Variants in IFI16 observed in about 807,000 individuals in gnomAD.
IFI16 encodes interferon gamma inducible protein 16.
In IFI16, 49 loss-of-function variants were observed where a neutral mutation model predicts 68.4. That is an observed-to-expected ratio of 0.72 (90% confidence interval 0.57 to 0.91). IFI16 has a LOEUF of 0.91. Ranked by LOEUF, IFI16 falls within the 40% of genes least tolerant of loss-of-function variation. The pLI, the probability that IFI16 is intolerant of heterozygous loss-of-function variation, is 0.00. For missense variants in IFI16, 878 were observed against 942.9 expected (o/e 0.93, Z 0.90); for synonymous variants, 307 against 315.0 (o/e 0.97, Z 0.27).
intron 6 of IFI16, among the ~76,000 whole-genome samples, chr1:159,032,022 A>G (rs1450154733): frequency 6.6e-6 from 1 of 152,234 alleles, no homozygotes; most frequent in Non-Finnish European, 1.5e-5. Context: ...GATAATGGAA[A>G]AATATTTCTT....
intron 7 of IFI16, among the ~76,000 whole-genome samples, chr1:159,038,426 G>A (rs564356122): frequency 1.1e-4 from 16 of 152,166 alleles, no homozygotes; most frequent in South Asian, 6.2e-4. Context: ...GTGCAGTGGC[G>A]CAATCAAAGC....
chr1:159,021,761 T>C (rs2101834825), intron 6 of IFI16, among the ~76,000 whole-genome samples: 1 of 152,202 alleles, frequency 6.6e-6, no homozygotes, highest in Non-Finnish European at 1.5e-5. Flanking sequence ...GATGCCAGCG[T>C]CTGTTTTTTA....
At chr1:159,015,848 G>A in intron 2 of IFI16, 24 bp from the exon 3 acceptor site, 2 of 1,528,166 alleles carry the variant, frequency 1.3e-6, no homozygotes, top group Non-Finnish European at 1.8e-6. Context: ...GCATTGGTTG[G>A]GAATAAAATT....
upstream of IFI16, among the ~76,000 whole-genome samples, chr1:159,002,106 T>A (rs1042313198): frequency 2.0e-5 from 3 of 152,228 alleles, no homozygotes; most frequent in African/African-American, 7.2e-5. Context: ...CAGTATGGTA[T>A]GCCTGATACA....
At chr1:159,020,290 G>A (rs1653222342) in intron 5 of IFI16, 51 bp from the exon 6 acceptor site, 2 of 1,363,456 alleles carry the variant, frequency 1.5e-6, no homozygotes, top group Admixed American at 1.9e-5. Flanking sequence ...GCCTATATGT[G>A]GTTGTTATTA....
intron 7 of IFI16, among the ~76,000 whole-genome samples, chr1:159,034,873 A>AG (rs1654227295): frequency 6.6e-6 from 1 of 152,240 alleles, no homozygotes; most frequent in Non-Finnish European, 1.5e-5. Context: ...AGAATACAAG[A>AG]GGGGAAAAAG....
At chr1:159,050,388 T>A (rs897727482) in intron 9 of IFI16, among the ~76,000 whole-genome samples, 1 of 152,192 alleles carries the variant, frequency 6.6e-6, no homozygotes, top group Non-Finnish European at 1.5e-5. Context: ...TTTCCTTAGG[T>A]TCTGTGCACC....
At chr1:159,004,077 C>A (rs978215679), upstream of IFI16, among the ~76,000 whole-genome samples, 3 of 152,218 alleles carry the variant, frequency 2.0e-5, no homozygotes, top group African/African-American at 4.8e-5. Flanking sequence ...AGATTGTCAA[C>A]CCTTAATCTA....
intron 1 of IFI16, among the ~76,000 whole-genome samples, chr1:159,010,533 T>C (rs763468941): frequency 4.6e-5 from 7 of 152,102 alleles, no homozygotes; most frequent in Admixed American, 2.0e-4. Context: ...GATAGTGACA[T>C]GAAAAAAGTA....
chr1:159,044,183 C>T (rs574710565), intron 7 of IFI16, among the ~76,000 whole-genome samples: 227 of 152,216 alleles, frequency 1.5e-3, no homozygotes, highest in African/African-American at 4.4e-3. Flanking sequence ...CTAGTCCCAT[C>T]TCACATGTGG....
intron 3 of IFI16, 98 bp from the exon 4 acceptor site, chr1:159,016,435 T>C (rs856042): frequency 0.76 from 861,693 of 1,131,214 alleles, 332,901 homozygotes; most frequent in Admixed American, 0.83. Context: ...CCAAGAAACA[T>C]CTTCTTAGGA....
rs373627870 is a variant in IFI16 at position 159,045,464 on chromosome 1, G to A, written c.1497G>A (p.Thr499=). The A allele has an allele frequency of 1.9e-6, 3 of 1,602,348 alleles. No individual in the cohort carries two copies. Among genetic ancestry groups the A allele is most frequent in the Admixed American group, 1.7e-5 (1 of 58,498 alleles). ...PSTPSSSFLT[T]KSEDTISKMN... The stretch of plus-strand genomic sequence containing the variant: ...CACCAAGCAGCAGTTTCTTAACCAC[G>A]GTACAAGTTCCCTCTTCCCAATACA... The change falls in exon 8 of 12, where the codon ACG becomes ACA. Residue 499 remains threonine (T), a splice_region_variant and synonymous_variant. Coordinates refer to ENST00000295809, the MANE Select transcript of IFI16 (RefSeq NM_001376587.1).
At chr1:159,028,037 T>C (rs147355988) in intron 6 of IFI16, among the ~76,000 whole-genome samples, 3 of 152,310 alleles carry the variant, frequency 2.0e-5, no homozygotes, top group African/African-American at 7.2e-5. Flanking sequence ...ATCTTTGTTA[T>C]TTCTTTTCTT....
chr1:159,039,069 T>A (rs966566228), intron 7 of IFI16, among the ~76,000 whole-genome samples: 1 of 152,176 alleles, frequency 6.6e-6, no homozygotes, highest in Non-Finnish European at 1.5e-5. Flanking sequence ...CTGAGAGGGT[T>A]ATTTAACAAA....
chr1:159,036,602 T>C (rs552164731), intron 7 of IFI16, among the ~76,000 whole-genome samples: 1 of 152,250 alleles, frequency 6.6e-6, no homozygotes, highest in Admixed American at 6.5e-5. Flanking sequence ...TTACACATAT[T>C]TAAAATTAGA....
chr1:159,016,063 C>A, intron 3 of IFI16, 76 bp downstream of exon 3: 1 of 870,646 alleles, frequency 1.1e-6, no homozygotes. Flanking sequence ...TCAATCTCTC[C>A]AGCAGGCAGT....
upstream of IFI16, among the ~76,000 whole-genome samples, chr1:159,003,971 A>G (rs1652159229): frequency 1.3e-5 from 2 of 152,076 alleles, no homozygotes; most frequent in South Asian, 4.1e-4. Context: ...ATTCTGTATT[A>G]TTTTGCATTT....
rs201850453 is a variant in IFI16 at position 159,047,931 on chromosome 1, C to A, written c.1498-1501C>A. On this transcript the variant is annotated intron_variant, in intron 8 of 11. Coordinates refer to ENST00000295809, the MANE Select transcript of IFI16 (RefSeq NM_001376587.1). ...TATTCTGAGGGAAAACAAATGCTTG[C>A]ACTTTTAAAATATTATTCAAACAAA... Among the ~76,000 whole-genome samples the A allele has an allele frequency of 2.1e-3, 313 of 149,610 alleles. 6 individuals carry two copies. Among genetic ancestry groups the A allele is most frequent in the Non-Finnish European group, 3.5e-3 (233 of 66,996 alleles).
intron 6 of IFI16, among the ~76,000 whole-genome samples, chr1:159,026,157 T>C (rs530075181): frequency 4.7e-4 from 71 of 152,254 alleles, no homozygotes; most frequent in Non-Finnish European, 1.6e-4. Context: ...TTGCTTTGGC[T>C]ATGTGGTCTG....
Sources: allele counts gnomAD v4.1 joint callset (sites outside exome capture counted in the v4.1 genomes callset), GRCh38; gene constraint gnomAD v4.1.1; transcripts MANE v1.5; gene names NCBI Gene and HGNC (gene_info 2026-07-23, HGNC 2026-07-21).